Variants in CFAP299 observed in about 807,000 individuals in gnomAD.
CFAP299 encodes cilia and flagella associated protein 299.
Under a neutral mutation model 27.0 loss-of-function variants are expected in CFAP299, and 21 were observed. The ratio of observed to expected loss-of-function variants is 0.78; its 90% CI spans 0.55 to 1.12. The LOEUF (loss-of-function observed/expected upper bound fraction) is 1.12, where lower values mean the gene tolerates loss of function less well. Among genes scored for constraint, CFAP299 ranks in the 50% most tolerant of loss-of-function variants. The probability of loss-of-function intolerance (pLI) is 0.00; values close to 1 mark genes in which losing one functional copy is unlikely to be tolerated. For missense variants in CFAP299, 310 were observed against 276.6 expected (o/e 1.12, Z -0.86); for synonymous variants, 104 against 98.1 (o/e 1.06, Z -0.36).
chr4:80,530,655 A>G (rs1252748726), intron 2 of CFAP299, among the ~76,000 whole-genome samples: 1 of 152,242 alleles, frequency 6.6e-6, no homozygotes, highest in Non-Finnish European at 1.5e-5. Flanking sequence ...CAGTCAATGC[A>G]TTTTGTGCTA....
intron 3 of CFAP299, among the ~76,000 whole-genome samples, chr4:80,798,553 A>G (rs758864947): frequency 1.1e-4 from 17 of 152,102 alleles, no homozygotes; most frequent in Non-Finnish European, 1.9e-4. Context: ...CTTTCATTGC[A>G]GGTCAGCCAC....
chr4:80,492,354 G>T (rs539420959), intron 2 of CFAP299, among the ~76,000 whole-genome samples: 1 of 152,076 alleles, frequency 6.6e-6, no homozygotes, highest in Non-Finnish European at 1.5e-5. Context: ...TACAGATTTC[G>T]ACTCTTTTCA....
At chr4:80,956,785 T>C (rs1012617) in intron 5 of CFAP299, among the ~76,000 whole-genome samples, 88,466 of 152,022 alleles carry the variant, frequency 0.58, 29,400 homozygotes, top group Non-Finnish European at 0.73. Flanking sequence ...TCTACCTACT[T>C]TCCTGTAGGT....
intron 3 of CFAP299, among the ~76,000 whole-genome samples, chr4:80,654,057 G>A (rs1164838849): frequency 6.6e-6 from 1 of 152,028 alleles, no homozygotes; most frequent in Non-Finnish European, 1.5e-5. Flanking sequence ...ATGACATTTG[G>A]GTTATACAGT....
At chr4:80,465,069 C>A (rs1274006248) in intron 2 of CFAP299, among the ~76,000 whole-genome samples, 3 of 151,940 alleles carry the variant, frequency 2.0e-5, no homozygotes, top group African/African-American at 7.3e-5. Context: ...TGTTATAATT[C>A]TTGGGCATGT....
At chr4:80,690,033 A>C (rs1422112160) in intron 3 of CFAP299, among the ~76,000 whole-genome samples, 1 of 149,148 alleles carries the variant, frequency 6.7e-6, no homozygotes, top group African/African-American at 2.6e-5. Context: ...GAGCACCCAG[A>C]TTCATAAAGC....
intron 2 of CFAP299, among the ~76,000 whole-genome samples, chr4:80,407,630 A>C (rs915524929): frequency 6.6e-6 from 1 of 152,206 alleles, no homozygotes; most frequent in African/African-American, 2.4e-5. Flanking sequence ...CCCTGATGCA[A>C]AGGGTGAAGA....
chr4:80,354,626 T>G (rs1035248185), intron 1 of CFAP299, among the ~76,000 whole-genome samples: 2 of 152,148 alleles, frequency 1.3e-5, no homozygotes, highest in Admixed American at 6.6e-5. Flanking sequence ...ACCCAGGTAT[T>G]AAACCTAGTA....
intron 4 of CFAP299, among the ~76,000 whole-genome samples, chr4:80,897,921 G>A (rs531973830): frequency 9.9e-5 from 15 of 152,208 alleles, no homozygotes; most frequent in South Asian, 2.1e-4. Context: ...CTCAGCCTGC[G>A]GCACTCAACC....
intron 3 of CFAP299, among the ~76,000 whole-genome samples, chr4:80,836,141 C>T (rs994105932): frequency 6.6e-6 from 1 of 152,148 alleles, no homozygotes; most frequent in Non-Finnish European, 1.5e-5. Context: ...CACTTTTGCA[C>T]TAAGCCTATG....
chr4:80,640,010 T>C (rs1165444687), intron 3 of CFAP299, among the ~76,000 whole-genome samples: 1 of 152,278 alleles, frequency 6.6e-6, no homozygotes, highest in East Asian at 1.9e-4. Flanking sequence ...TTTCAGTTTA[T>C]GATGGTGAAA....
intron 3 of CFAP299, among the ~76,000 whole-genome samples, chr4:80,737,754 A>T (rs1002452572): frequency 6.6e-6 from 1 of 152,090 alleles, no homozygotes; most frequent in Non-Finnish European, 1.5e-5. Flanking sequence ...AGAAGAAAAA[A>T]ATTAAAAAGA....
At chr4:80,440,976 T>G (rs1163594393) in intron 2 of CFAP299, among the ~76,000 whole-genome samples, 4 of 151,812 alleles carry the variant, frequency 2.6e-5, no homozygotes, top group Admixed American at 1.3e-4. Context: ...GAAGATCAAA[T>G]GAAAATAAAG....
intron 2 of CFAP299, among the ~76,000 whole-genome samples, chr4:80,377,341 C>T (rs1724468369): frequency 6.6e-6 from 1 of 152,000 alleles, no homozygotes; most frequent in Non-Finnish European, 1.5e-5. Context: ...ATTTAAATAT[C>T]CAACTGTTTC....
intron 2 of CFAP299, among the ~76,000 whole-genome samples, chr4:80,506,237 TA>T (rs1240784096): frequency 6.6e-6 from 1 of 152,142 alleles, no homozygotes; most frequent in Admixed American, 6.6e-5. Context: ...GTTCTCATTT[TA>T]AAAAGTTTTG....
chr4:80,446,935 T>C (rs1245840297), intron 2 of CFAP299, among the ~76,000 whole-genome samples: 1 of 152,120 alleles, frequency 6.6e-6, no homozygotes, highest in Non-Finnish European at 1.5e-5. Context: ...CAGTAAAAGA[T>C]TAAGTAAGCA....
At chr4:80,513,290 A>G (rs1026390427) in intron 2 of CFAP299, among the ~76,000 whole-genome samples, 1 of 152,182 alleles carries the variant, frequency 6.6e-6, no homozygotes, top group African/African-American at 2.4e-5. Flanking sequence ...GTGAGCCACA[A>G]GTAGTGGTAA....
At chr4:80,867,044 A>T (rs11721903) in intron 3 of CFAP299, among the ~76,000 whole-genome samples, 18,923 of 152,182 alleles carry the variant, frequency 0.12, 1,352 homozygotes, top group Middle Eastern at 0.25. Context: ...TTTCTGCTTA[A>T]TCTAGAAATA....
chr4:80,321,372 C>T, the CFAP299 span, among the ~76,000 whole-genome samples: 3 of 152,128 alleles, frequency 2.0e-5, no homozygotes, highest in Non-Finnish European at 4.4e-5. Flanking sequence ...TTAAAACCCA[C>T]CCTTGCTCAG....
Sources: gnomAD v4.1 joint callset for allele counts (sites outside exome capture counted in the v4.1 genomes callset) on GRCh38, gnomAD v4.1.1 for gene constraint, MANE v1.5 for transcripts, NCBI Gene and HGNC (gene_info 2026-07-23, HGNC 2026-07-21) for gene names.